NIPA2: variants seen among roughly 807,000 people sequenced by gnomAD.
NIPA2 encodes the protein NIPA magnesium transporter 2.
NIPA2 carries 11 observed loss-of-function variants against 29.7 expected under a neutral mutation model. The ratio of observed to expected loss-of-function variants is 0.37; its 90% CI spans 0.23 to 0.61. NIPA2 has a LOEUF of 0.61. Among genes scored for constraint, NIPA2 ranks in the 20% least tolerant of loss-of-function variants. The pLI is 0.66. For synonymous variants in NIPA2, 183 were observed against 161.9 expected (o/e 1.13, Z -0.99); for missense variants, 426 against 437.9 (o/e 0.97, Z 0.24).
At chr15:22,863,152 C>T (rs867489327) in intron 7 of NIPA2, among the ~76,000 whole-genome samples, 2 of 151,500 alleles carry the variant, frequency 1.3e-5, no homozygotes, top group South Asian at 4.2e-4. Context: ...AGTCTCGGCT[C>T]ATTGCTCCCT....
In NIPA2 at chr15:22,838,893, G is replaced by A. The variant is rs1896246074; in HGVS notation, c.-380G>A. On this transcript the variant is annotated 5_prime_UTR_variant, in exon 1 of 8. Coordinates refer to ENST00000337451, the MANE Select transcript of NIPA2 (RefSeq NM_030922.7). ...GTGCCCAAGGCTGCGCCGGCGAGGG[G>A]AAGCCGCGCGGCCGGCCGGCCGACT... The A allele has an allele frequency of 6.6e-6, 1 of 152,306 alleles. No homozygotes were observed. The highest frequency in any genetic ancestry group is 2.1e-4 in the South Asian group (1 of 4,836). The allele number at this position is 152,306 out of a possible 1,614,324, so 9.4% of individuals were successfully genotyped here.
chr15:22,843,806 A>G (rs1256973237), intron 2 of NIPA2, among the ~76,000 whole-genome samples: 2 of 151,972 alleles, frequency 1.3e-5, no homozygotes, highest in Non-Finnish European at 2.9e-5. Flanking sequence ...ACCCGCCCTC[A>G]TGGCAAATAC....
rs374979803 is a variant in NIPA2 at position 22,851,696 on chromosome 15, A to T, written c.-36A>T. 5 of 1,588,142 alleles carry T rather than the reference A, an allele frequency of 3.1e-6. No individual in the cohort carries two copies. The African/African-American group carries it at 5.4e-5, about 17-fold the overall frequency. On this transcript the variant is annotated 5_prime_UTR_variant, in exon 4 of 8. An upstream start codon of the reference 5' UTR is lost. Coordinates refer to ENST00000337451, the MANE Select transcript of NIPA2 (RefSeq NM_030922.7). ...CAGCGGTTTCTCTGTTCTGTGATCA[A>T]TGTGATTCACAGGAACTCCTTAAGT...
Position 22,868,007 on chromosome 15 carries a change from G to GTGA in NIPA2, c.*1163_*1165dup, listed in dbSNP as rs796782887. On this transcript the variant is annotated 3_prime_UTR_variant, in exon 8 of 8. Transcript: ENST00000337451. ...ATTGGCAGAATTAATTTCCACCTAG[G>GTGA]TGATGGGAAGAAAGTGTTCGCCTGT... 110 of 152,346 alleles carry GTGA rather than the reference G, an allele frequency of 7.2e-4. No homozygotes were observed. Among genetic ancestry groups the GTGA allele is most frequent in the African/African-American group, 2.5e-3 (104 of 41,578 alleles). 9.4% of individuals were successfully genotyped at this position (152,346 alleles called of 1,614,324 possible).
At position 22,866,680 on chromosome 15, in the gene NIPA2, C is replaced by T. The variant is rs2059102654; in HGVS notation, c.916C>T (p.Leu306=). 3 of 1,614,022 alleles carry T rather than the reference C, an allele frequency of 1.9e-6. No individual in the cohort carries two copies. Among genetic ancestry groups the T allele is most frequent in the South Asian group, 2.2e-5 (2 of 91,080 alleles). ...LHAFKDVSFS[L]ASLPVSFRKD... is the part of the protein sequence containing the mutation. ...TGCCTTTAAAGACGTCAGCTTTAGT[C>T]TAGCAAGTCTGCCTGTGTCTTTTCG... The change falls in exon 8 of 8, where the codon CTA becomes TTA. Residue 306 remains leucine, a synonymous_variant. Coordinates refer to ENST00000337451, the MANE Select transcript of NIPA2 (RefSeq NM_030922.7).
At chr15:22,851,346 A>AT (rs1036158076) in intron 3 of NIPA2, among the ~76,000 whole-genome samples, 6 of 151,742 alleles carry the variant, frequency 4.0e-5, no homozygotes, top group South Asian at 4.2e-4. Context: ...TTTCTGCAGA[A>AT]TTTTTTTTTC....
intron 3 of NIPA2, among the ~76,000 whole-genome samples, chr15:22,848,741 C>G (rs568210339): frequency 7.3e-6 from 1 of 137,882 alleles, no homozygotes; most frequent in African/African-American, 2.7e-5. Context: ...AGGAGAATCA[C>G]TTGAACCTGG....
At chr15:22,859,122 C>T (rs1000158020) in intron 6 of NIPA2, among the ~76,000 whole-genome samples, 1 of 151,908 alleles carries the variant, frequency 6.6e-6, no homozygotes, top group Admixed American at 6.6e-5. Context: ...TGCAATGACC[C>T]GAGATAGCAC....
intron 2 of NIPA2, among the ~76,000 whole-genome samples, chr15:22,843,068 A>C (rs566467794): frequency 6.6e-6 from 1 of 151,886 alleles, no homozygotes; most frequent in African/African-American, 2.4e-5. Context: ...CTTTGTTACT[A>C]GTTTACACAA....
At chr15:22,849,509 C>G (rs989114882) in intron 3 of NIPA2, among the ~76,000 whole-genome samples, 4 of 151,896 alleles carry the variant, frequency 2.6e-5, no homozygotes, top group African/African-American at 4.8e-5. Context: ...ATGACTGATA[C>G]TTAGAAGAAC....
At position 22,868,296 on chromosome 15, in the gene NIPA2, G is replaced by C. The variant is rs902480063; in HGVS notation, c.*1449G>C. The C allele has an allele frequency of 1.3e-5, 2 of 152,092 alleles. No individual in the cohort carries two copies. Among genetic ancestry groups the C allele is most frequent in the Non-Finnish European group, 2.9e-5 (2 of 68,024 alleles). 9.4% of individuals were successfully genotyped at this position (152,092 alleles called of 1,614,324 possible). A position where few individuals can be genotyped will look rare whatever the true frequency, so the allele number is the denominator to read the frequency against. On this transcript the variant is annotated 3_prime_UTR_variant, in exon 8 of 8. Coordinates refer to ENST00000337451, the MANE Select transcript of NIPA2 (RefSeq NM_030922.7). ...TATACTGTACCTACATCTGTGCTTT[G>C]TACATAAAAGAACCAGTTTTCTCCC... is the stretch of plus-strand genomic sequence containing the variant.
Position 22,866,766 on chromosome 15 carries a change from T to TGAA in NIPA2, c.1006_1008dup (p.Glu336dup). The TGAA allele has an allele frequency of 6.2e-7, 1 of 1,613,766 alleles. No homozygotes were observed. The highest frequency in any genetic ancestry group is 1.1e-5 in the South Asian group (1 of 91,050). ...ATATGTATGAAGTTCTTAATAATAA[T>TGAA]GAAGAAAGCTTAACCTGTGGAATCG... is the stretch of plus-strand genomic sequence containing the variant. On this transcript the variant is annotated inframe_insertion, in exon 8 of 8. Coordinates refer to ENST00000337451, the MANE Select transcript of NIPA2 (RefSeq NM_030922.7).
intron 2 of NIPA2, among the ~76,000 whole-genome samples, chr15:22,843,198 G>A (rs1481973302): frequency 6.6e-6 from 1 of 152,004 alleles, no homozygotes; most frequent in African/African-American, 2.4e-5. Context: ...GCTGTGTGAC[G>A]TGTTACTTAA....
In NIPA2 at chr15:22,861,857, T is replaced by A. The variant is rs1444762687; in HGVS notation, c.448+1068T>A. ...CCAAGCGATTCTCCCATCTCAGCCT[T>A]CCAAGTAGCTGGGACTGCAGGCGTG... On this transcript the variant is annotated intron_variant, in intron 7 of 7. Coordinates refer to ENST00000337451, the MANE Select transcript of NIPA2 (RefSeq NM_030922.7). 2.6e-5 allele frequency among the ~76,000 whole-genome samples: 4 copies of A among 151,764 alleles called. No homozygotes were observed. In the East Asian group the frequency reaches 7.7e-4, roughly 29 times the overall value.
intron 1 of NIPA2, among the ~76,000 whole-genome samples, 181 bp from the exon 2 acceptor site, chr15:22,839,474 A>G (rs920749731): frequency 6.6e-6 from 1 of 152,176 alleles, no homozygotes; most frequent in African/African-American, 2.4e-5. Context: ...TAGTAAGAGG[A>G]AATATCAGAG....
chr15:22,848,825 C>CAAAAA lies in NIPA2; in HGVS notation c.-93-2792_-93-2788dup, dbSNP rs35853443. 1.6e-4 allele frequency among the ~76,000 whole-genome samples: 11 copies of CAAAAA among 66,704 alleles called. 1 individual carries two copies. The highest frequency in any genetic ancestry group is 5.1e-4 in the East Asian group (1 of 1,974). 43.8% of individuals were successfully genotyped at this position (66,704 alleles called of 152,430 possible). A position where few individuals can be genotyped will look rare whatever the true frequency, so the allele number is the denominator to read the frequency against. Reference sequence around the variant, plus strand: ...GGGTGACAGAGCAAGACTCTTGTCTCAAAAAAAAAAAAAAAAAAAAAAAAA... The same window carrying CAAAAA: ...GGGTGACAGAGCAAGACTCTTGTCTCAAAAAAAAAAAAAAAAAAAAAAAAAAAAAA... On this transcript the variant is annotated intron_variant, in intron 3 of 7. Coordinates refer to ENST00000337451, the MANE Select transcript of NIPA2 (RefSeq NM_030922.7).
chr15:22,842,719 C>G (rs562490457), intron 2 of NIPA2, among the ~76,000 whole-genome samples: 16 of 152,230 alleles, frequency 1.1e-4, no homozygotes, highest in African/African-American at 3.9e-4. Context: ...ATCCCAGATA[C>G]TCAGGAGGCT....
intron 5 of NIPA2, among the ~76,000 whole-genome samples, chr15:22,857,820 G>C (rs1036446508): frequency 1.7e-5 from 2 of 118,800 alleles, no homozygotes; most frequent in African/African-American, 6.8e-5. Context: ...CTGGGCGATA[G>C]AGCAAGACTC....
chr15:22,853,104 A>C lies in NIPA2; in HGVS notation c.140-108A>C, dbSNP rs544089615. 5.7e-5 allele frequency: 41 copies of C among 723,838 alleles called. 1 individual carries two copies. In the South Asian group the frequency reaches 7.2e-4, roughly 13 times the overall value. The allele number at this position is 723,838 out of a possible 1,614,324, so 44.8% of individuals were successfully genotyped here. On this transcript the variant is annotated intron_variant, in intron 4 of 7. Coordinates refer to ENST00000337451, the MANE Select transcript of NIPA2 (RefSeq NM_030922.7). ...AATCCCGAGTCATGCAGAAACCTTT[A>C]TTTAAAGGAGTAACTGAGATATTTA...
Sources: gnomAD v4.1 joint callset for allele counts (sites outside exome capture counted in the v4.1 genomes callset) on GRCh38, gnomAD v4.1.1 for gene constraint, MANE v1.5 for transcripts, NCBI Gene and HGNC (gene_info 2026-07-23, HGNC 2026-07-21) for gene names.